The following CDH1 variants were observed in gnomAD, a reference collection of about 807,000 sequenced individuals.
The protein encoded by CDH1 is cadherin-1.
Under a neutral mutation model 84.5 loss-of-function variants are expected in CDH1, and 35 were observed. The observed-to-expected ratio is 0.41, with a 90% confidence interval of 0.32 to 0.55. The LOEUF is 0.55. Among genes scored for constraint, CDH1 ranks in the 20% least tolerant of loss-of-function variants. The pLI, the probability that CDH1 is intolerant of heterozygous loss-of-function variation, is 0.19. For missense variants in CDH1, 994 were observed against 1,126.6 expected, an observed-to-expected ratio of 0.88 and a Z score of 1.68; for synonymous variants, 417 against 439.0, an observed-to-expected ratio of 0.95 and a Z score of 0.63.
intron 11 of CDH1, among the ~76,000 whole-genome samples, chr16:68,820,447 T>TCCTACC (rs2152137504): frequency 6.6e-6 from 1 of 150,596 alleles, no homozygotes; most frequent in East Asian, 2.0e-4. Context: ...GCCTCCCAGG[T>TCCTACC]TCAAGCAATT....
intron 3 of CDH1, among the ~76,000 whole-genome samples, chr16:68,807,675 C>A (rs1016547467): frequency 1.3e-5 from 2 of 151,928 alleles, no homozygotes; most frequent in African/African-American, 2.4e-5. Context: ...GGTGACAGAG[C>A]AAGACCCTGT....
rs779775580 is a variant in CDH1 at position 68,802,696 on chromosome 16, C to T, written c.387+803C>T. ...ATGTTGGCCAGGCTGGTCTCGAATT[C>T]CTGACCTCAAATGATCTGCCTGCCT... On this transcript the variant is annotated intron_variant, in intron 3 of 15. Transcript: ENST00000261769. Among the ~76,000 whole-genome samples the T allele has an allele frequency of 5.7e-4, 87 of 152,096 alleles. 1 individual carries two copies. The highest frequency in any genetic ancestry group is 2.0e-3 in the African/African-American group (84 of 41,420).
At chr16:68,782,758 T>A (rs917348503) in intron 2 of CDH1, among the ~76,000 whole-genome samples, 2 of 152,134 alleles carry the variant, frequency 1.3e-5, no homozygotes, top group South Asian at 2.1e-4. Flanking sequence ...GCCCTAGAAT[T>A]GTTGACAGTG....
intron 2 of CDH1, among the ~76,000 whole-genome samples, chr16:68,750,176 CTT>C (rs1313023602): frequency 2.9e-5 from 1 of 33,944 alleles, no homozygotes; most frequent in Non-Finnish European, 9.7e-5. Flanking sequence ...TGGAAGGCCT[CTT>C]TTGTCTTTTG....
At chr16:68,765,338 C>G (rs903676944) in intron 2 of CDH1, 2 of 152,194 alleles carry the variant, frequency 1.3e-5, no homozygotes, top group African/African-American at 4.8e-5. Context: ...CAGGCAACTG[C>G]CACCACACCT....
chr16:68,805,057 ATC>A (rs1445508831), intron 3 of CDH1, among the ~76,000 whole-genome samples: 1 of 146,140 alleles, frequency 6.8e-6, no homozygotes, highest in African/African-American at 2.6e-5. Context: ...CAGGCTCAAA[ATC>A]TCTAAATTTG....
chr16:68,815,861 C>A (rs2152135276), intron 10 of CDH1, 102 bp downstream of exon 10: 1 of 1,325,412 alleles, frequency 7.5e-7, no homozygotes, highest in Non-Finnish European at 1.1e-6. Flanking sequence ...TGTCATTTGT[C>A]TGTACAAGAC....
chr16:68,828,991 T>C (rs1369739151), intron 14 of CDH1, among the ~76,000 whole-genome samples: 1 of 152,174 alleles, frequency 6.6e-6, no homozygotes, highest in East Asian at 1.9e-4. Context: ...AAGTCTAGTT[T>C]GGGGATACCA....
chr16:68,813,209 A>C (rs894169196), intron 8 of CDH1, 104 bp from the exon 9 acceptor site: 48 of 1,178,600 alleles, frequency 4.1e-5, no homozygotes, highest in Middle Eastern at 2.3e-4. Flanking sequence ...GTGAGATCTT[A>C]TCTCAAAAGA....
intron 2 of CDH1, among the ~76,000 whole-genome samples, chr16:68,793,762 C>T (rs1188687034): frequency 2.0e-5 from 3 of 152,118 alleles, no homozygotes; most frequent in Non-Finnish European, 2.9e-5. Flanking sequence ...CATGGTGGCG[C>T]ATGCCTGTAA....
chr16:68,744,205 C>T (rs1339742300), intron 2 of CDH1, among the ~76,000 whole-genome samples: 2 of 152,096 alleles, frequency 1.3e-5, no homozygotes, highest in South Asian at 2.1e-4. Context: ...TGTAAATGGG[C>T]GGGGAAGAAT....
At chr16:68,759,388 A>ATT (rs1463299685) in intron 2 of CDH1, among the ~76,000 whole-genome samples, 1 of 151,870 alleles carries the variant, frequency 6.6e-6, no homozygotes, top group Non-Finnish European at 1.5e-5. Context: ...GCATTCATTT[A>ATT]TTGATTGAGT....
At chr16:68,805,633 C>G (rs796757984) in intron 3 of CDH1, among the ~76,000 whole-genome samples, 18 of 152,268 alleles carry the variant, frequency 1.2e-4, no homozygotes, top group African/African-American at 4.1e-4. Flanking sequence ...TCACTCTTGT[C>G]ACCCAGGCTA....
intron 2 of CDH1, among the ~76,000 whole-genome samples, chr16:68,739,976 C>T (rs1441707035): frequency 2.0e-5 from 3 of 152,122 alleles, no homozygotes. Context: ...AAAATGCATA[C>T]ACCCAATGTA....
chr16:68,752,338 A>C (rs1288357786), intron 2 of CDH1, among the ~76,000 whole-genome samples: 3 of 152,206 alleles, frequency 2.0e-5, no homozygotes, highest in African/African-American at 7.2e-5. Flanking sequence ...TTCACTGTCT[A>C]ACATGCTATG....
At chr16:68,810,552 C>G (rs1960793300) in intron 6 of CDH1, among the ~76,000 whole-genome samples, 1 of 149,950 alleles carries the variant, frequency 6.7e-6, no homozygotes, top group African/African-American at 2.5e-5. Context: ...ACAATCTTCC[C>G]TTTTTTATTA....
chr16:68,824,830 GA>G (rs201201368), intron 13 of CDH1, among the ~76,000 whole-genome samples: 1,955 of 152,316 alleles, frequency 0.013, 48 homozygotes, highest in African/African-American at 0.045. Flanking sequence ...AATTAGCGAT[GA>G]AAACAGACTA....
Position 68,740,471 on chromosome 16 carries a change from TG to T in CDH1, c.163+2063del, listed in dbSNP as rs200677649. 7.2e-3 allele frequency among the ~76,000 whole-genome samples: 1,100 copies of T among 152,150 alleles called. 11 individuals carry two copies. Among genetic ancestry groups the T allele is most frequent in the African/African-American group, 0.025 (1,049 of 41,508 alleles). On this transcript the variant is annotated intron_variant, in intron 2 of 15. Transcript: ENST00000261769. ...TGGGGATTGGATATTTTGATGTCAG[TG>T]GGCATTGAGGAGTGGCTTCTCGGGG...
chr16:68,792,162 C>G (rs1344250967), intron 2 of CDH1, among the ~76,000 whole-genome samples: 1 of 151,658 alleles, frequency 6.6e-6, no homozygotes, highest in East Asian at 1.9e-4. Flanking sequence ...CTCAGGTGAT[C>G]CATCTGCCTC....
Sources: allele counts gnomAD v4.1 joint callset (sites outside exome capture counted in the v4.1 genomes callset), GRCh38; gene constraint gnomAD v4.1.1; transcripts MANE v1.5; gene names NCBI Gene and HGNC (gene_info 2026-07-23, HGNC 2026-07-21).